The following RAB3GAP1 variants were observed in gnomAD, a reference collection of about 807,000 sequenced individuals.
RAB3GAP1 encodes rab3 GTPase-activating protein catalytic subunit.
Under a neutral mutation model 130.7 loss-of-function variants are expected in RAB3GAP1, and 86 were observed. The ratio of observed to expected loss-of-function variants is 0.66; its 90% CI spans 0.55 to 0.79. The LOEUF (loss-of-function observed/expected upper bound fraction) is 0.79, where lower values mean the gene tolerates loss of function less well. Among genes scored for constraint, RAB3GAP1 ranks in the 30% least tolerant of loss-of-function variants. The pLI is 0.00. For missense variants in RAB3GAP1, 1,029 were observed against 1,169.4 expected, an observed-to-expected ratio of 0.88 and a Z score of 1.75; for synonymous variants, 367 against 401.7, an observed-to-expected ratio of 0.91 and a Z score of 1.03.
At chr2:135,089,948 G>T in intron 3 of RAB3GAP1, 1 of 230,742 alleles carries the variant, frequency 4.3e-6, no homozygotes, top group Non-Finnish European at 9.3e-6. Context: ...GGAGGGGAGG[G>T]CTAGGGGAGG....
intron 14 of RAB3GAP1, 59 bp from the exon 15 acceptor site, chr2:135,133,802 T>G: frequency 6.8e-7 from 1 of 1,471,938 alleles, no homozygotes; most frequent in Non-Finnish European, 9.5e-7. Context: ...ACCTTTTCAG[T>G]TATATGTGTA....
chr2:135,101,517 T>C (rs1690448661), intron 5 of RAB3GAP1, among the ~76,000 whole-genome samples: 1 of 152,200 alleles, frequency 6.6e-6, no homozygotes, highest in African/African-American at 2.4e-5. Flanking sequence ...GAAAATAGAT[T>C]TTTGGGATTT....
At chr2:135,081,361 T>TATATATATATATACAC (rs1216831944) in intron 3 of RAB3GAP1, among the ~76,000 whole-genome samples, 17 of 71,246 alleles carry the variant, frequency 2.4e-4, no homozygotes, top group South Asian at 1.6e-3. Flanking sequence ...TATATATATA[T>TATATATATATATACAC]ACACACACGT....
At position 135,130,106 on chromosome 2, in the gene RAB3GAP1, T is replaced by A. The variant is rs887100444; in HGVS notation, c.1066+19T>A. The A allele has an allele frequency of 2.6e-6, 4 of 1,548,844 alleles. No homozygotes were observed. Among genetic ancestry groups the A allele is most frequent in the African/African-American group, 2.7e-5 (2 of 73,478 alleles). The stretch of plus-strand genomic sequence containing the variant: ...GGCAAAGGTAACCTACATTTTTTTT[T>A]AACATTACTTTCAAATGTCTTACTG... On this transcript the variant is annotated intron_variant, in intron 12 of 23. Coordinates refer to ENST00000264158, the MANE Select transcript of RAB3GAP1 (RefSeq NM_012233.3).
At chr2:135,127,117 C>T (rs868313478) in intron 11 of RAB3GAP1, among the ~76,000 whole-genome samples, 2 of 151,406 alleles carry the variant, frequency 1.3e-5, no homozygotes, top group Non-Finnish European at 1.5e-5. Context: ...CCTCGTGATC[C>T]GCCCGCCTCG....
chr2:135,162,205 G>T (rs1259630771), intron 19 of RAB3GAP1, among the ~76,000 whole-genome samples: 1 of 152,170 alleles, frequency 6.6e-6, no homozygotes, highest in Non-Finnish European at 1.5e-5. Context: ...TTTAATATTA[G>T]TGCCCTTAGT....
chr2:135,058,737 A>G (rs1689089716), intron 3 of RAB3GAP1: 1 of 152,218 alleles, frequency 6.6e-6, no homozygotes, highest in African/African-American at 2.4e-5. Context: ...GTACTCTGAG[A>G]ACAAACCTGG....
intron 23 of RAB3GAP1, among the ~76,000 whole-genome samples, chr2:135,165,683 A>ATC (rs1692622066): frequency 6.6e-6 from 1 of 152,220 alleles, no homozygotes; most frequent in Admixed American, 6.5e-5. Flanking sequence ...CTTATAAATT[A>ATC]GACTTCTAGC....
intron 5 of RAB3GAP1, among the ~76,000 whole-genome samples, chr2:135,106,064 GTC>G (rs1690601333): frequency 6.6e-6 from 1 of 151,574 alleles, no homozygotes; most frequent in South Asian, 2.1e-4. Flanking sequence ...AGTGAGGAGC[GTC>G]TCGGCCCGGC....
chr2:135,155,099 T>C (rs1692273657), intron 19 of RAB3GAP1, among the ~76,000 whole-genome samples: 2 of 151,984 alleles, frequency 1.3e-5, no homozygotes, highest in East Asian at 1.9e-4. Flanking sequence ...GAATCAGATA[T>C]CCTCAAACAG....
At chr2:135,106,756 T>TA (rs201827793) in intron 5 of RAB3GAP1, among the ~76,000 whole-genome samples, 14,595 of 65,522 alleles carry the variant, frequency 0.22, 1,085 homozygotes, top group South Asian at 0.42. Flanking sequence ...CAATAAATAC[T>TA]AAAAAAAAAA....
At chr2:135,174,023 G>A (rs2105014854), downstream of RAB3GAP1, among the ~76,000 whole-genome samples, 1 of 152,294 alleles carries the variant, frequency 6.6e-6, no homozygotes, top group East Asian at 1.9e-4. Flanking sequence ...CATTTCTTTG[G>A]CTCTCAAAAG....
chr2:135,063,152 C>G (rs1689224271), intron 3 of RAB3GAP1, among the ~76,000 whole-genome samples: 1 of 152,072 alleles, frequency 6.6e-6, no homozygotes, highest in South Asian at 2.1e-4. Flanking sequence ...TAATAGGTGT[C>G]CATAAGACTG....
intron 3 of RAB3GAP1, among the ~76,000 whole-genome samples, chr2:135,086,050 A>G (rs1318764379): frequency 2.6e-5 from 4 of 152,144 alleles, no homozygotes; most frequent in Non-Finnish European, 5.9e-5. Context: ...TTTGCTGAAC[A>G]TGATGTTTTA....
intron 8 of RAB3GAP1, among the ~76,000 whole-genome samples, chr2:135,123,666 A>G (rs1259490299): frequency 6.6e-6 from 1 of 152,148 alleles, no homozygotes; most frequent in Non-Finnish European, 1.5e-5. Flanking sequence ...CGTAATGGAA[A>G]GGAGGTTCTT....
At chr2:135,119,586 C>G (rs1259168161) in intron 7 of RAB3GAP1, among the ~76,000 whole-genome samples, 2 of 152,192 alleles carry the variant, frequency 1.3e-5, no homozygotes. Flanking sequence ...GCCAAAATCT[C>G]ACCTTGCTGT....
chr2:135,081,044 A>T (rs993918133), intron 3 of RAB3GAP1, among the ~76,000 whole-genome samples: 1 of 152,076 alleles, frequency 6.6e-6, no homozygotes, highest in African/African-American at 2.4e-5. Flanking sequence ...TGCATAATAC[A>T]TATACTGAGC....
chr2:135,166,511 G>C (rs536142205), intron 23 of RAB3GAP1, among the ~76,000 whole-genome samples: 2 of 152,122 alleles, frequency 1.3e-5, no homozygotes, highest in South Asian at 4.2e-4. Context: ...ACCACGCCCA[G>C]TTAATTTTTA....
intron 3 of RAB3GAP1, among the ~76,000 whole-genome samples, chr2:135,084,850 G>A (rs572850690): frequency 2.0e-4 from 31 of 152,208 alleles, no homozygotes; most frequent in African/African-American, 7.0e-4. Context: ...TTAGAATAAG[G>A]TATCGTTCTT....
Sources: gnomAD v4.1 joint callset for allele counts (sites outside exome capture counted in the v4.1 genomes callset) on GRCh38, gnomAD v4.1.1 for gene constraint, MANE v1.5 for transcripts, NCBI Gene and HGNC (gene_info 2026-07-23, HGNC 2026-07-21) for gene names.